The following CSMD1 variants were observed in gnomAD, a reference collection of about 807,000 sequenced individuals.
CSMD1 encodes the protein CUB and sushi domain-containing protein 1.
CSMD1 carries 213 observed loss-of-function variants against 417.5 expected under a neutral mutation model. The observed-to-expected ratio is 0.51, with a 90% CI of 0.46 to 0.57. The LOEUF is 0.57. Ranked by LOEUF, CSMD1 falls within the 20% of genes least tolerant of loss-of-function variation. The pLI is 0.00. For missense variants in CSMD1, 6,923 were observed against 4,529.7 expected, an observed-to-expected ratio of 1.53 and a Z score of -15.17; for synonymous variants, 2,862 against 1,736.8, an observed-to-expected ratio of 1.65 and a Z score of -16.11.
intron 1 of CSMD1, among the ~76,000 whole-genome samples, chr8:4,692,155 G>C (rs916299075): frequency 6.6e-6 from 1 of 152,062 alleles, no homozygotes; most frequent in Non-Finnish European, 1.5e-5. Context: ...CCTGCCCCCT[G>C]TCCCTTCTGG....
At chr8:3,629,066 C>T (rs184340047) in intron 7 of CSMD1, among the ~76,000 whole-genome samples, 16 of 152,136 alleles carry the variant, frequency 1.1e-4, no homozygotes, top group African/African-American at 1.4e-4. Flanking sequence ...AGACAGTTAT[C>T]GACACAAGAG....
At chr8:3,551,596 ATTTTTT>A (rs1194152215) in intron 10 of CSMD1, among the ~76,000 whole-genome samples, 2 of 113,430 alleles carry the variant, frequency 1.8e-5, no homozygotes, top group African/African-American at 3.3e-5. Context: ...ATATATATAT[ATTTTTT>A]TTTTTTTTTT....
At chr8:4,259,627 G>C (rs534651684) in intron 3 of CSMD1, among the ~76,000 whole-genome samples, 13 of 152,046 alleles carry the variant, frequency 8.6e-5, no homozygotes, top group South Asian at 6.2e-4. Context: ...AATATAGTCG[G>C]AGTCCTTACC....
intron 23 of CSMD1, among the ~76,000 whole-genome samples, chr8:3,337,904 G>C (rs1399856729): frequency 1.3e-5 from 2 of 152,066 alleles, no homozygotes; most frequent in African/African-American, 2.4e-5. Context: ...ATATACCCTG[G>C]CCAGGAATCA....
chr8:4,069,177 G>C (rs963276519), intron 3 of CSMD1, among the ~76,000 whole-genome samples: 2 of 152,112 alleles, frequency 1.3e-5, no homozygotes, highest in African/African-American at 4.8e-5. Flanking sequence ...ATGATGGGTA[G>C]GCATAAAACC....
At chr8:3,526,061 A>G (rs148621883) in intron 10 of CSMD1, among the ~76,000 whole-genome samples, 2 of 152,324 alleles carry the variant, frequency 1.3e-5, no homozygotes, top group East Asian at 3.9e-4. Context: ...GGGTATATGT[A>G]GCTTCAAAGA....
At chr8:3,617,718 G>A (rs1301863841) in intron 7 of CSMD1, among the ~76,000 whole-genome samples, 2 of 152,146 alleles carry the variant, frequency 1.3e-5, no homozygotes, top group Non-Finnish European at 2.9e-5. Context: ...CAAGAACCTG[G>A]ACCTGCTACC....
intron 2 of CSMD1, among the ~76,000 whole-genome samples, chr8:4,516,544 G>T (rs1291041281): frequency 6.6e-6 from 1 of 152,056 alleles, no homozygotes; most frequent in Admixed American, 6.6e-5. Flanking sequence ...CCCCTGCTTG[G>T]TGTGGCCCCC....
intron 51 of CSMD1, among the ~76,000 whole-genome samples, chr8:3,026,370 C>A (rs1351015070): frequency 1.3e-5 from 2 of 152,092 alleles, no homozygotes; most frequent in Admixed American, 6.6e-5. Flanking sequence ...CTGGGCCTCA[C>A]TGGACCTCAC....
At chr8:3,252,570 G>T (rs1800349349) in intron 26 of CSMD1, among the ~76,000 whole-genome samples, 1 of 152,154 alleles carries the variant, frequency 6.6e-6, no homozygotes, top group Admixed American at 6.5e-5. Context: ...GATGATGCTG[G>T]CCTCATAAAA....
intron 3 of CSMD1, among the ~76,000 whole-genome samples, chr8:4,313,957 C>G (rs1355196447): frequency 2.6e-5 from 4 of 151,584 alleles, no homozygotes; most frequent in Non-Finnish European, 5.9e-5. Context: ...GAGGTTGCAG[C>G]GAGCCGAGAC....
intron 5 of CSMD1, among the ~76,000 whole-genome samples, chr8:3,787,741 C>G (rs1333630731): frequency 6.6e-6 from 1 of 152,144 alleles, no homozygotes; most frequent in African/African-American, 2.4e-5. Flanking sequence ...AACATAGACC[C>G]TGTATGGGGA....
At chr8:4,419,595 T>A (rs1797134481) in intron 3 of CSMD1, among the ~76,000 whole-genome samples, 1 of 152,200 alleles carries the variant, frequency 6.6e-6, no homozygotes, top group African/African-American at 2.4e-5. Context: ...TCAGTATAAT[T>A]GTCCAACCAA....
At chr8:3,433,777 T>A (rs1814378302) in intron 12 of CSMD1, among the ~76,000 whole-genome samples, 1 of 152,188 alleles carries the variant, frequency 6.6e-6, no homozygotes, top group Non-Finnish European at 1.5e-5. Flanking sequence ...ACGTAAGACT[T>A]CAGAGCAGAT....
At chr8:4,391,530 C>G (rs1409462081) in intron 3 of CSMD1, among the ~76,000 whole-genome samples, 1 of 152,108 alleles carries the variant, frequency 6.6e-6, no homozygotes, top group Non-Finnish European at 1.5e-5. Flanking sequence ...GCCACAACCA[C>G]TGCATCAACC....
At chr8:4,810,526 C>CGTGT (rs34993933) in intron 1 of CSMD1, among the ~76,000 whole-genome samples, 1 of 151,390 alleles carries the variant, frequency 6.6e-6, no homozygotes, top group Non-Finnish European at 1.5e-5. Context: ...GTAAAATACA[C>CGTGT]GTGTGTGTGT....
intron 3 of CSMD1, among the ~76,000 whole-genome samples, chr8:4,120,847 T>A (rs548401338): frequency 6.6e-6 from 1 of 152,172 alleles, no homozygotes; most frequent in Admixed American, 6.5e-5. Context: ...GAGAAGTCTT[T>A]TAAAATTACA....
chr8:4,895,486 A>G (rs1228363098), intron 1 of CSMD1, among the ~76,000 whole-genome samples: 2 of 152,108 alleles, frequency 1.3e-5, no homozygotes, highest in Non-Finnish European at 2.9e-5. Flanking sequence ...TGTCTAGTAC[A>G]TGTTTTCTTT....
chr8:4,718,259 G>A (rs922141386), intron 1 of CSMD1, among the ~76,000 whole-genome samples: 1 of 152,128 alleles, frequency 6.6e-6, no homozygotes, highest in Admixed American at 6.5e-5. Flanking sequence ...TTACAGGTGT[G>A]AGCCACCATG....
Sources: allele counts gnomAD v4.1 joint callset (sites outside exome capture counted in the v4.1 genomes callset), GRCh38; gene constraint gnomAD v4.1.1; transcripts MANE v1.5; gene names NCBI Gene and HGNC (gene_info 2026-07-23, HGNC 2026-07-21).